The following ACAD10 variants were observed in gnomAD, a reference collection of about 807,000 sequenced individuals.
ACAD10 encodes acyl-CoA dehydrogenase family member 10.
ACAD10 carries 112 observed loss-of-function variants against 116.8 expected under a neutral mutation model. That is an observed-to-expected ratio of 0.96 (90% CI 0.82 to 1.12). ACAD10 has a LOEUF of 1.12. Among genes scored for constraint, ACAD10 ranks in the 50% most tolerant of loss-of-function variants. The pLI, the probability that ACAD10 is intolerant of heterozygous loss-of-function variation, is 0.00. For missense variants in ACAD10, 1,259 were observed against 1,350.2 expected (o/e 0.93, Z 1.06); for synonymous variants, 486 against 510.6 (o/e 0.95, Z 0.65).
intron 8 of ACAD10, among the ~76,000 whole-genome samples, chr12:111,723,301 C>A (rs1469728401): frequency 2.4e-5 from 3 of 127,070 alleles, no homozygotes; most frequent in African/African-American, 9.0e-5. Context: ...CCAGACGGGG[C>A]GGCTGGCCGG....
intron 6 of ACAD10, among the ~76,000 whole-genome samples, chr12:111,714,853 C>T (rs569185308): frequency 1.2e-4 from 19 of 152,034 alleles, no homozygotes; most frequent in African/African-American, 4.3e-4. Context: ...GCTGGGATTA[C>T]AGGCACCCAC....
chr12:111,722,207 G>A (rs961240783), intron 8 of ACAD10, among the ~76,000 whole-genome samples: 1 of 151,924 alleles, frequency 6.6e-6, no homozygotes, highest in Non-Finnish European at 1.5e-5. Flanking sequence ...GATTACAGGT[G>A]CCCCCTACTA....
rs149782509 is a variant in ACAD10 at position 111,741,857 on chromosome 12, G to C, written c.1715-2786G>C. Among the ~76,000 whole-genome samples, 26 of 152,294 alleles carry C rather than the reference G, an allele frequency of 1.7e-4. 1 individual carries two copies. Among genetic ancestry groups the C allele is most frequent in the African/African-American group, 5.5e-4 (23 of 41,566 alleles). ...AGGAAAACTGGAGCTTAGAGAAGGG[G>C]TATCTGTTTCCAAGACATTCTCTCT... On this transcript the variant is annotated intron_variant, in intron 12 of 20. Transcript: ENST00000313698.
chr12:111,745,708 T>A, intron 13 of ACAD10: 1 of 153,974 alleles, frequency 6.5e-6, no homozygotes, highest in South Asian at 2.1e-4. Flanking sequence ...CCAGCTAATT[T>A]TTGTATTTTT....
At chr12:111,730,900 C>T (rs1421171235) in intron 10 of ACAD10, among the ~76,000 whole-genome samples, 1 of 152,056 alleles carries the variant, frequency 6.6e-6, no homozygotes, top group African/African-American at 2.4e-5. Context: ...TACAGGTGTG[C>T]ACCACCATGT....
rs140625855 is a variant in ACAD10, at chr12:111,752,278, TTTG to T, written c.2818-1470_2818-1468del. On this transcript the variant is annotated intron_variant, in intron 18 of 20. Coordinates refer to ENST00000313698, the MANE Select transcript of ACAD10 (RefSeq NM_025247.6). ...TGTTAGCTTTGATGCAAAATAATGTTTTGTTGTTGTTGTTGTTGTTGTTGTTAT... is the reference window on the plus strand; with the variant it reads ...TGTTAGCTTTGATGCAAAATAATGTTTTGTTGTTGTTGTTGTTGTTGTTAT... Among the ~76,000 whole-genome samples, 1,926 of 151,444 alleles carry T rather than the reference TTTG, an allele frequency of 0.013. 123 individuals carry two copies. In the South Asian group the frequency reaches 0.17, roughly 14 times the overall value.
Position 111,706,756 on chromosome 12 carries a change from ATT to A in ACAD10, c.531+830_531+831del, listed in dbSNP as rs201869536. On this transcript the variant is annotated intron_variant, in intron 4 of 20. Coordinates refer to ENST00000313698, the MANE Select transcript of ACAD10 (RefSeq NM_025247.6). ...ATGAGCCACCGTGCCTGGCCTATTT[ATT>A]TTTTTATATATATATATATATATAT... Among the ~76,000 whole-genome samples, 6,657 of 121,738 alleles carry A rather than the reference ATT, an allele frequency of 0.055. 959 individuals are homozygous for A. In the East Asian group the frequency reaches 0.6, roughly 11 times the overall value. 79.9% of individuals were successfully genotyped at this position (121,738 alleles called of 152,430 possible). A position where few individuals can be genotyped will look rare whatever the true frequency, so the allele number is the denominator to read the frequency against.
At chr12:111,723,732 C>T (rs1359100870) in intron 8 of ACAD10, among the ~76,000 whole-genome samples, 21 of 150,650 alleles carry the variant, frequency 1.4e-4, no homozygotes, top group Non-Finnish European at 2.8e-4. Context: ...CCGGCGGAGA[C>T]GCTCCTCACT....
chr12:111,712,616 T>C lies in ACAD10; in HGVS notation c.809T>C (p.Leu270Ser), dbSNP rs1888718808. 5.0e-6 allele frequency: 8 copies of C among 1,614,086 alleles called. No homozygotes were observed. In the Admixed American group the frequency reaches 1.0e-4, roughly 20 times the overall value. Reference sequence around the variant, plus strand: ...ACGATGGAAATTCCGAAAGATTCCTTGCAGAAGTACCTCAAAGACTTACTG... The same window carrying C: ...ACGATGGAAATTCCGAAAGATTCCTCGCAGAAGTACCTCAAAGACTTACTG... Reference protein sequence around the residue: ...KKTMEIPKDSLQKYLKDLLGI... With the variant: ...KKTMEIPKDSSQKYLKDLLGI... The change falls in exon 6 of 21, where the codon TTG becomes TCG. Residue 270 changes from leucine (L) to serine (S), a missense_variant. Physicochemically the swap from Leu to Ser is moderately radical, Grantham distance 145 (BLOSUM62 -2). Transcript: ENST00000313698.
intron 13 of ACAD10, 28 bp downstream of exon 13, chr12:111,745,071 AC>A: frequency 6.3e-7 from 1 of 1,593,292 alleles, no homozygotes. Flanking sequence ...AGGTGGTAAG[AC>A]CCCAATACCA....
At chr12:111,748,584 G>A in intron 17 of ACAD10, 109 bp downstream of exon 17, 1 of 1,233,536 alleles carries the variant, frequency 8.1e-7, no homozygotes, top group Non-Finnish European at 1.1e-6. Flanking sequence ...ACGTCTGAGG[G>A]TATGATGACA....
intron 2 of ACAD10, among the ~76,000 whole-genome samples, chr12:111,698,765 T>G (rs1293533971): frequency 6.6e-6 from 1 of 152,158 alleles, no homozygotes; most frequent in Non-Finnish European, 1.5e-5. Context: ...CATGAGCCAC[T>G]GCGCCCGGCC....
intron 9 of ACAD10, 68 bp from the exon 10 acceptor site, chr12:111,729,738 G>GTT: frequency 6.5e-7 from 1 of 1,533,654 alleles, no homozygotes; most frequent in Non-Finnish European, 8.9e-7. Context: ...CACTGCACTG[G>GTT]TTTTTTTTTC....
intron 19 of ACAD10, among the ~76,000 whole-genome samples, chr12:111,754,335 T>A (rs1455324985): frequency 3.3e-5 from 5 of 152,234 alleles, no homozygotes; most frequent in Non-Finnish European, 7.3e-5. Flanking sequence ...TTATTTATTT[T>A]TTGAGACAGG....
chr12:111,726,849 A>C (rs1479547223), intron 8 of ACAD10, among the ~76,000 whole-genome samples: 1 of 152,006 alleles, frequency 6.6e-6, no homozygotes, highest in African/African-American at 2.4e-5. Context: ...CAACAGAGCG[A>C]GACTCCATCT....
intron 3 of ACAD10, among the ~76,000 whole-genome samples, chr12:111,704,489 G>A (rs1478344948): frequency 1.3e-5 from 2 of 151,786 alleles, no homozygotes; most frequent in African/African-American, 4.8e-5. Context: ...TGGCAGTGAT[G>A]GTTGCACAAC....
intron 1 of ACAD10, among the ~76,000 whole-genome samples, chr12:111,690,197 C>G (rs1191241222): frequency 3.3e-5 from 5 of 152,056 alleles, no homozygotes; most frequent in Non-Finnish European, 5.9e-5. Flanking sequence ...AGAAGTAGTT[C>G]AGATTTTGGA....
At chr12:111,748,745 G>A (rs948576426) in intron 17 of ACAD10, 3 of 547,736 alleles carry the variant, frequency 5.5e-6, no homozygotes, top group South Asian at 2.0e-5. Context: ...CAGGGCAGAC[G>A]CAGGAAGTGG....
chr12:111,746,996 T>G, intron 14 of ACAD10, 53 bp from the exon 15 acceptor site: 1 of 1,510,320 alleles, frequency 6.6e-7, no homozygotes, highest in Non-Finnish European at 8.9e-7. Context: ...CTTGACTCTG[T>G]TTTTTTTAGA....
Sources: gnomAD v4.1 joint callset for allele counts (sites outside exome capture counted in the v4.1 genomes callset) on GRCh38, gnomAD v4.1.1 for gene constraint, MANE v1.5 for transcripts, NCBI Gene and HGNC (gene_info 2026-07-23, HGNC 2026-07-21) for gene names.